Variants in CADM2 observed in about 807,000 individuals in gnomAD.
CADM2 encodes immunoglobulin superfamily member 4D.
In CADM2, 12 loss-of-function variants were observed where a neutral mutation model predicts 49.8. The observed-to-expected ratio is 0.24, with a 90% CI of 0.15 to 0.39. The LOEUF (loss-of-function observed/expected upper bound fraction) is 0.39, where lower values mean the gene tolerates loss of function less well. Among genes scored for constraint, CADM2 ranks in the 10% least tolerant of loss-of-function variants. CADM2 has a pLI of 1.00. For missense variants in CADM2, 378 were observed against 492.3 expected, an observed-to-expected ratio of 0.77 and a Z score of 2.20; for synonymous variants, 214 against 175.4, an observed-to-expected ratio of 1.22 and a Z score of -1.74.
intron 1 of CADM2, among the ~76,000 whole-genome samples, chr3:85,022,080 A>G (rs2034534973): frequency 6.6e-6 from 1 of 152,214 alleles, no homozygotes; most frequent in African/African-American, 2.4e-5. Flanking sequence ...GTAAGAACAA[A>G]ATGGCTTAAG....
intron 1 of CADM2, among the ~76,000 whole-genome samples, chr3:84,988,619 C>T (rs1428825890): frequency 2.6e-5 from 4 of 152,052 alleles, no homozygotes; most frequent in African/African-American, 9.7e-5. Context: ...CCTCATTGGC[C>T]ACCTCCTTTT....
At chr3:86,051,317 T>C (rs970804529) in intron 8 of CADM2, among the ~76,000 whole-genome samples, 1 of 152,286 alleles carries the variant, frequency 6.6e-6, no homozygotes, top group East Asian at 1.9e-4. Context: ...TTTATCTGTA[T>C]CTGAGACTTC....
chr3:86,020,526 C>T (rs1439951622), intron 8 of CADM2, among the ~76,000 whole-genome samples: 2 of 151,172 alleles, frequency 1.3e-5, no homozygotes, highest in Non-Finnish European at 3.0e-5. Flanking sequence ...CAGGCAGAGA[C>T]ACAACAAAAA....
chr3:85,046,652 A>C (rs968187332), intron 1 of CADM2, among the ~76,000 whole-genome samples: 1 of 152,050 alleles, frequency 6.6e-6, no homozygotes, highest in Non-Finnish European at 1.5e-5. Flanking sequence ...GTGACAATTA[A>C]AAATGACTAA....
At chr3:85,511,277 C>T (rs1576686609) in intron 1 of CADM2, among the ~76,000 whole-genome samples, 1 of 152,040 alleles carries the variant, frequency 6.6e-6, no homozygotes, top group African/African-American at 2.4e-5. Flanking sequence ...TTTAACTTTA[C>T]CTTCTAATTT....
At chr3:85,288,783 T>TCC in intron 1 of CADM2, among the ~76,000 whole-genome samples, 1 of 67,652 alleles carries the variant, frequency 1.5e-5, no homozygotes, top group Non-Finnish European at 3.0e-5. Context: ...TTTACCAATA[T>TCC]GCCCCCCCCC....
chr3:85,609,722 C>T (rs1271968655), intron 1 of CADM2, among the ~76,000 whole-genome samples: 1 of 152,078 alleles, frequency 6.6e-6, no homozygotes, highest in Non-Finnish European at 1.5e-5. Flanking sequence ...AAGATTATGT[C>T]TACACAGCCA....
chr3:85,388,310 T>C (rs760531374), intron 1 of CADM2, among the ~76,000 whole-genome samples: 2 of 152,188 alleles, frequency 1.3e-5, no homozygotes, highest in African/African-American at 4.8e-5. Flanking sequence ...TAGGAGACTT[T>C]GGCAGAGAGG....
intron 1 of CADM2, among the ~76,000 whole-genome samples, chr3:85,220,563 AAC>A (rs2042022140): frequency 6.6e-6 from 1 of 152,140 alleles, no homozygotes; most frequent in Middle Eastern, 3.2e-3. Context: ...ATCTGGTGAT[AAC>A]AGTCATTGGC....
intron 1 of CADM2, among the ~76,000 whole-genome samples, chr3:85,403,421 C>T (rs770494868): frequency 3.9e-5 from 6 of 151,978 alleles, no homozygotes; most frequent in African/African-American, 9.7e-5. Flanking sequence ...TAATTAATAC[C>T]GTATGCTTGT....
At chr3:85,899,043 GC>G (rs1218863983) in intron 5 of CADM2, among the ~76,000 whole-genome samples, 3 of 133,488 alleles carry the variant, frequency 2.2e-5, no homozygotes, top group Non-Finnish European at 3.1e-5. Flanking sequence ...TTGGCTCACT[GC>G]AACCTCTGCC....
At chr3:85,807,499 CAAAAAAAAAA>C (rs60644652) in intron 3 of CADM2, among the ~76,000 whole-genome samples, 1,222 of 82,242 alleles carry the variant, frequency 0.015, 29 homozygotes, top group African/African-American at 0.041. Flanking sequence ...AACTCCGTCT[CAAAAAAAAAA>C]AAAAAAAAAG....
chr3:85,004,055 C>T (rs1327822955), intron 1 of CADM2, among the ~76,000 whole-genome samples: 1 of 152,064 alleles, frequency 6.6e-6, no homozygotes, highest in Non-Finnish European at 1.5e-5. Context: ...TGTTGAGCTG[C>T]CAGTTTTTCT....
At chr3:85,980,549 T>G (rs1727350881) in intron 8 of CADM2, among the ~76,000 whole-genome samples, 1 of 151,574 alleles carries the variant, frequency 6.6e-6, no homozygotes, top group African/African-American at 2.4e-5. Context: ...TGACTGAACT[T>G]TATTTAAGCT....
intron 1 of CADM2, among the ~76,000 whole-genome samples, chr3:85,386,537 C>T (rs1444386524): frequency 6.6e-6 from 1 of 152,168 alleles, no homozygotes; most frequent in African/African-American, 2.4e-5. Flanking sequence ...GGGATGCTTG[C>T]TCCAGCTAGA....
chr3:85,493,409 A>C (rs1576652514), intron 1 of CADM2, among the ~76,000 whole-genome samples: 1 of 150,030 alleles, frequency 6.7e-6, no homozygotes, highest in East Asian at 2.0e-4. Context: ...TGAAATAAAT[A>C]TCAACTTTCA....
intron 3 of CADM2, among the ~76,000 whole-genome samples, chr3:85,839,542 TAGAG>T (rs2074550540): frequency 6.6e-6 from 1 of 151,844 alleles, no homozygotes. Context: ...CTGCCTACGA[TAGAG>T]AGCTCAATGA....
chr3:85,845,870 G>C (rs554839922), intron 3 of CADM2, among the ~76,000 whole-genome samples: 1 of 152,260 alleles, frequency 6.6e-6, no homozygotes, highest in East Asian at 1.9e-4. Flanking sequence ...CTTCAGGGAA[G>C]CTTTGGTGGT....
At chr3:85,823,017 C>G (rs1245764903) in intron 3 of CADM2, among the ~76,000 whole-genome samples, 17 of 152,150 alleles carry the variant, frequency 1.1e-4, no homozygotes, top group Non-Finnish European at 1.5e-5. Context: ...GTAGAAAGAT[C>G]TTTAAAGATA....
Sources: allele counts gnomAD v4.1 joint callset (sites outside exome capture counted in the v4.1 genomes callset), GRCh38; gene constraint gnomAD v4.1.1; transcripts MANE v1.5; gene names NCBI Gene and HGNC (gene_info 2026-07-23, HGNC 2026-07-21).